FGF2: variants seen among roughly 807,000 people sequenced by gnomAD.
The protein encoded by FGF2 is basic fibroblast growth factor bFGF.
In FGF2, 13 loss-of-function variants were observed where a neutral mutation model predicts 15.9. That is an observed-to-expected ratio of 0.82 (90% CI 0.53 to 1.30). The LOEUF (loss-of-function observed/expected upper bound fraction) is 1.30, where lower values mean the gene tolerates loss of function less well. Among genes scored for constraint, FGF2 ranks in the 50% most tolerant of loss-of-function variants. The pLI is 0.00. For missense variants in FGF2, 163 were observed against 196.9 expected, an observed-to-expected ratio of 0.83 and a Z score of 1.03; for synonymous variants, 90 against 78.4, an observed-to-expected ratio of 1.15 and a Z score of -0.78.
At chr4:122,848,011 C>A (rs1726151868) in intron 1 of FGF2, among the ~76,000 whole-genome samples, 1 of 152,238 alleles carries the variant, frequency 6.6e-6, no homozygotes, top group Admixed American at 6.5e-5. Context: ...GCCAAGCTGA[C>A]ACATAAAATT....
intron 1 of FGF2, among the ~76,000 whole-genome samples, chr4:122,849,987 C>T (rs115848122): frequency 0.035 from 5,290 of 152,236 alleles, 177 homozygotes; most frequent in African/African-American, 0.086. Flanking sequence ...GCTGGCTGGG[C>T]GCGGTGGCTC....
rs777489071 is a variant in FGF2 at position 122,854,741 on chromosome 4, G to A, written c.179-21580G>A. 2.2e-4 allele frequency among the ~76,000 whole-genome samples: 34 copies of A among 152,284 alleles called. No homozygotes were observed. The Middle Eastern group carries it at 0.014, about 61-fold the overall frequency. On this transcript the variant is annotated intron_variant, in intron 1 of 2. Transcript: ENST00000644866. The stretch of plus-strand genomic sequence containing the variant: ...CCTTGAGCTCTTGGCTGGAAGCGTG[G>A]TTTTCCAAAGTGGAGGCTGCAGTAA...
intron 1 of FGF2, among the ~76,000 whole-genome samples, chr4:122,865,907 G>A (rs752044422): frequency 6.6e-6 from 1 of 152,108 alleles, no homozygotes; most frequent in African/African-American, 2.4e-5. Flanking sequence ...TAAATAGAAG[G>A]GGTAAAACTA....
At chr4:122,835,779 A>G (rs762063127) in intron 1 of FGF2, among the ~76,000 whole-genome samples, 13 of 152,152 alleles carry the variant, frequency 8.5e-5, no homozygotes, top group Non-Finnish European at 1.8e-4. Context: ...CTTAAACATG[A>G]CCTACCTTAT....
intron 1 of FGF2, among the ~76,000 whole-genome samples, chr4:122,845,397 A>G (rs1188672479): frequency 1.3e-5 from 2 of 152,224 alleles, no homozygotes; most frequent in Admixed American, 6.5e-5. Context: ...CAAGAGAGTC[A>G]GCCTGTCCTT....
chr4:122,851,444 G>A (rs1726229377), intron 1 of FGF2, among the ~76,000 whole-genome samples: 1 of 152,114 alleles, frequency 6.6e-6, no homozygotes, highest in South Asian at 2.1e-4. Flanking sequence ...CAGAAAAGAG[G>A]GTACTTCACA....
At chr4:122,860,825 A>G (rs541087174) in intron 1 of FGF2, among the ~76,000 whole-genome samples, 1 of 152,294 alleles carries the variant, frequency 6.6e-6, no homozygotes, top group East Asian at 1.9e-4. Flanking sequence ...CGCTGGTTCT[A>G]AAGTATAGAT....
At chr4:122,860,696 A>G (rs957515548) in intron 1 of FGF2, among the ~76,000 whole-genome samples, 3 of 152,118 alleles carry the variant, frequency 2.0e-5, no homozygotes, top group African/African-American at 7.2e-5. Context: ...GCTTCAAGCA[A>G]TCCACCCACC....
chr4:122,832,146 A>C (rs749977573), intron 1 of FGF2, among the ~76,000 whole-genome samples: 4 of 152,192 alleles, frequency 2.6e-5, no homozygotes, highest in Admixed American at 6.5e-5. Flanking sequence ...CAGATACCCT[A>C]CTTGGGCCCC....
rs529589754 is a variant in FGF2, at chr4:122,895,330, TGAA to T, written c.*2937_*2939del. The T allele has an allele frequency of 3.9e-5, 6 of 152,358 alleles. No individual in the cohort carries two copies. The South Asian group carries it at 1.2e-3, about 32-fold the overall frequency. 9.4% of individuals were successfully genotyped at this position (152,358 alleles called of 1,614,324 possible). The stretch of plus-strand genomic sequence containing the variant: ...GAGGTTTTGTTTTTATTTTTGCTGA[TGAA>T]GAGATATGTTTAAATATGTTGTATT... On this transcript the variant is annotated 3_prime_UTR_variant, in exon 3 of 3. Transcript: ENST00000644866.
chr4:122,897,524 T>A lies in FGF2; in HGVS notation c.*5128T>A. 1 of 856,102 alleles carries A rather than the reference T, an allele frequency of 1.2e-6. No homozygotes were observed. The highest frequency in any genetic ancestry group is 1.4e-5 in the South Asian group (1 of 69,518). 53.0% of individuals were successfully genotyped at this position (856,102 alleles called of 1,614,324 possible). On this transcript the variant is annotated 3_prime_UTR_variant, in exon 3 of 3. Transcript: ENST00000644866. ...ATGTTCAGACTCAGTCGGAACAAATTGGAAAATTTAAATTTTTATTCTTAG... is the reference window on the plus strand; with the variant it reads ...ATGTTCAGACTCAGTCGGAACAAATAGGAAAATTTAAATTTTTATTCTTAG...
chr4:122,826,900 T>C lies in FGF2; in HGVS notation c.-275T>C. ...GGCGCTGCAGCTTGGGAGGCGGCTC[T>C]CCCCAGGCGGCGTCCGCGGAGACAC... On this transcript the variant is annotated 5_prime_UTR_variant, in exon 1 of 3. Coordinates refer to ENST00000644866, the MANE Select transcript of FGF2 (RefSeq NM_001361665.2). 1 of 1,516,204 alleles carries C rather than the reference T, an allele frequency of 6.6e-7. No individual in the cohort carries two copies. The highest frequency in any genetic ancestry group is 8.8e-7 in the Non-Finnish European group (1 of 1,135,458). 93.9% of individuals were successfully genotyped at this position (1,516,204 alleles called of 1,614,324 possible). A position where few individuals can be genotyped will look rare whatever the true frequency, so the allele number is the denominator to read the frequency against.
chr4:122,843,845 A>G (rs1038281984), intron 1 of FGF2, among the ~76,000 whole-genome samples: 1 of 152,208 alleles, frequency 6.6e-6, no homozygotes, highest in African/African-American at 2.4e-5. Context: ...TGTATTTTTA[A>G]AAAATGCTAA....
intron 1 of FGF2, among the ~76,000 whole-genome samples, chr4:122,831,393 G>T (rs527455327): frequency 1.3e-5 from 2 of 152,166 alleles, no homozygotes; most frequent in African/African-American, 4.8e-5. Flanking sequence ...TGGGGTTTTG[G>T]ATAAAGCCAC....
rs1231050324 is a variant in FGF2, at chr4:122,827,292, T to A, written c.118T>A (p.Phe40Ile). 2 of 1,612,916 alleles carry A rather than the reference T, an allele frequency of 1.2e-6. No homozygotes were observed. Among genetic ancestry groups the A allele is most frequent in the Admixed American group, 1.7e-5 (1 of 60,016 alleles). The stretch of plus-strand genomic sequence containing the variant: ...GCTGTACTGCAAAAACGGGGGCTTC[T>A]TCCTGCGCATCCACCCCGACGGCCG... ...KRLYCKNGGF[F>I]LRIHPDGRVD... Residue 40 changes from phenylalanine to isoleucine, a missense_variant, in exon 1 of 3, where the codon TTC becomes ATC. Physicochemically the swap from Phe to Ile is conservative, Grantham distance 21 (BLOSUM62 0). Transcript: ENST00000644866. The surrounding 1 kb of genome is among the most constrained non-coding windows in gnomAD (Gnocchi z 4.2).
intron 1 of FGF2, among the ~76,000 whole-genome samples, chr4:122,833,536 A>G (rs1396117087): frequency 6.6e-6 from 1 of 152,248 alleles, no homozygotes; most frequent in Non-Finnish European, 1.5e-5. Flanking sequence ...TTCTGTGAAC[A>G]GATTATTCTC....
intron 1 of FGF2, among the ~76,000 whole-genome samples, chr4:122,854,217 TAGAA>T (rs1346806926): frequency 3.3e-5 from 5 of 152,226 alleles, no homozygotes; most frequent in South Asian, 2.1e-4. Flanking sequence ...GTAGTAAACA[TAGAA>T]AGGCATTCGC....
chr4:122,844,587 C>CT (rs1283573019), intron 1 of FGF2, among the ~76,000 whole-genome samples: 18 of 78,644 alleles, frequency 2.3e-4, no homozygotes, highest in African/African-American at 1.2e-3. Flanking sequence ...TTCTTTCTTT[C>CT]TTCCTTCCTT....
intron 1 of FGF2, among the ~76,000 whole-genome samples, chr4:122,865,276 T>TG (rs1289615278): frequency 9.6e-5 from 9 of 94,020 alleles, no homozygotes; most frequent in Non-Finnish European, 1.8e-4. Context: ...TCTCTGTTTT[T>TG]TTTTGTTTGT....
Sources: gnomAD v4.1 joint callset for allele counts (sites outside exome capture counted in the v4.1 genomes callset) on GRCh38, gnomAD v4.1.1 for gene constraint, Gnocchi (gnomAD v3.1) non-coding constraint, MANE v1.5 for transcripts, NCBI Gene and HGNC (gene_info 2026-07-23, HGNC 2026-07-21) for gene names.